TTC3: variants seen among roughly 807,000 people sequenced by gnomAD.
The protein encoded by TTC3 is tetratricopeptide repeat domain 3.
A neutral mutation model predicts 249.6 loss-of-function variants in TTC3; 180 were observed. The observed-to-expected ratio is 0.72, with a 90% CI of 0.64 to 0.82. The LOEUF (loss-of-function observed/expected upper bound fraction) is 0.82, where lower values mean the gene tolerates loss of function less well. Among genes scored for constraint, TTC3 ranks in the 40% least tolerant of loss-of-function variants. The probability of loss-of-function intolerance (pLI) is 0.00; values close to 1 mark genes in which losing one functional copy is unlikely to be tolerated. For synonymous variants in TTC3, 717 were observed against 805.0 expected, an observed-to-expected ratio of 0.89 and a Z score of 1.85; for missense variants, 2,061 against 2,398.4, an observed-to-expected ratio of 0.86 and a Z score of 2.94.
intron 1 of TTC3, among the ~76,000 whole-genome samples, chr21:37,084,837 ACAAAAATTAG>A (rs2072209646): frequency 6.6e-6 from 1 of 152,196 alleles, no homozygotes; most frequent in African/African-American, 2.4e-5. Context: ...TACTAAAAAT[ACAAAAATTAG>A]CTGGGCGTGG....
chr21:37,113,294 C>T (rs185917907), intron 11 of TTC3, among the ~76,000 whole-genome samples: 31 of 152,308 alleles, frequency 2.0e-4, no homozygotes, highest in East Asian at 1.2e-3. Context: ...AAAACCCCAT[C>T]GTCTCAGCCC....
rs2083583134 is a variant in TTC3, at chr21:37,188,596, G to A, written c.5024+1G>A. 1 of 1,613,362 alleles carries A rather than the reference G, an allele frequency of 6.2e-7. No individual in the cohort carries two copies. The highest frequency in any genetic ancestry group is 1.3e-5 in the African/African-American group (1 of 74,880). On this transcript the variant is annotated splice_donor_variant, in intron 39 of 45. Coordinates refer to ENST00000355666, the Ensembl canonical transcript of TTC3. LOFTEE classifies it high-confidence loss of function. ...TGAAGAAGCTGGGGCTGATTAGCCG[G>A]TATTGCAGTTTCGTGGGTGTTCTCA...
chr21:37,092,095 A>G (rs1427397856), intron 7 of TTC3, among the ~76,000 whole-genome samples: 5 of 152,184 alleles, frequency 3.3e-5, no homozygotes, highest in East Asian at 3.8e-4. Flanking sequence ...TTGTTCTTTT[A>G]TGTATGAGGT....
At chr21:37,111,970 G>A (rs1249278436) in intron 11 of TTC3, among the ~76,000 whole-genome samples, 3 of 151,368 alleles carry the variant, frequency 2.0e-5, no homozygotes, top group African/African-American at 7.3e-5. Flanking sequence ...ACGAAATGAA[G>A]GCAGAAATAA....
intron 37 of TTC3, 33 bp downstream of exon 37, chr21:37,185,807 T>C (rs1199307367): frequency 5.4e-6 from 7 of 1,295,130 alleles, no homozygotes; most frequent in Non-Finnish European, 7.3e-6. Context: ...TTTAATATAT[T>C]TTAATACTTT....
chr21:37,144,666 A>G, intron 21 of TTC3, 21 bp downstream of exon 21: 1 of 1,601,618 alleles, frequency 6.2e-7, no homozygotes, highest in Non-Finnish European at 8.5e-7. Context: ...ATTTTTGCAG[A>G]GTGTTTCTTA....
At chr21:37,125,989 T>A in intron 14 of TTC3, 91 bp from the exon 15 acceptor site, 2 of 1,238,560 alleles carry the variant, frequency 1.6e-6, no homozygotes, top group Admixed American at 4.5e-5. Flanking sequence ...AATTCTATCC[T>A]ATTCTATTCT....
chr21:37,108,341 A>T (rs2075286055), intron 10 of TTC3, 51 bp from the exon 11 acceptor site: 1 of 1,487,338 alleles, frequency 6.7e-7, no homozygotes, highest in Non-Finnish European at 9.2e-7. Context: ...AAGATATAAT[A>T]CTTTTACTAT....
At position 37,150,316 on chromosome 21, in the gene TTC3, C is replaced by G. The variant is rs1007917785; in HGVS notation, c.2211+146C>G. On this transcript the variant is annotated intron_variant, in intron 24 of 45. Coordinates refer to ENST00000355666, the Ensembl canonical transcript of TTC3. ...TTCATTTAAGAAAATATAGGAAATA[C>G]TGGGATGTGAGAATGCTTCATTGTA... 414 of 660,334 alleles carry G rather than the reference C, an allele frequency of 6.3e-4. 1 individual carries two copies. The highest frequency in any genetic ancestry group is 4.4e-4 in the Admixed American group (15 of 33,912). The allele number at this position is 660,334 out of a possible 1,614,324, so 40.9% of individuals were successfully genotyped here. A position where few individuals can be genotyped will look rare whatever the true frequency, so the allele number is the denominator to read the frequency against.
At chr21:37,086,227 A>G (rs1485902210) in intron 1 of TTC3, 2 of 152,334 alleles carry the variant, frequency 1.3e-5, no homozygotes, top group Admixed American at 6.5e-5. Context: ...TTGCTTTGGA[A>G]AGAAGAAACT....
chr21:37,104,181 T>TTC (rs2074818073), intron 10 of TTC3, among the ~76,000 whole-genome samples: 1 of 152,194 alleles, frequency 6.6e-6, no homozygotes, highest in African/African-American at 2.4e-5. Flanking sequence ...GTTCTGACGT[T>TTC]TCTGCCTTAA....
exon 33 of TTC3, chr21:37,165,675 C>G (rs1252258974): frequency 6.2e-7 from 1 of 1,613,960 alleles, no homozygotes. Context: ...GGTTTAAAAC[C>G]TTTTCTCTTG....
At chr21:37,191,809 G>A (rs758513079) in intron 40 of TTC3, among the ~76,000 whole-genome samples, 1 of 152,200 alleles carries the variant, frequency 6.6e-6, no homozygotes, top group East Asian at 1.9e-4. Context: ...GGCTGGTGTC[G>A]ATCTCCTGAC....
At chr21:37,082,286 A>G (rs2071800972) in intron 1 of TTC3, 1 of 155,222 alleles carries the variant, frequency 6.4e-6, no homozygotes, top group South Asian at 2.0e-4. Flanking sequence ...TATATCAGAC[A>G]TTCCCAATGT....
exon 10 of TTC3, chr21:37,096,592 A>G (rs2073967876): frequency 3.1e-6 from 5 of 1,611,770 alleles, no homozygotes; most frequent in African/African-American, 2.7e-5. Flanking sequence ...CCTGAAAACT[A>G]CCTTCTTTAT....
At position 37,192,023 on chromosome 21, in the gene TTC3, G is replaced by A. The variant is rs761623068; in HGVS notation, c.5116-89G>A. ...GTCTTATTTTGAATTTCCTTACCAAGACAGTTATGTTTCATTTATAATGTG... is the reference window on the plus strand; with the variant it reads ...GTCTTATTTTGAATTTCCTTACCAAAACAGTTATGTTTCATTTATAATGTG... On this transcript the variant is annotated intron_variant, in intron 40 of 45. Coordinates refer to ENST00000355666, the Ensembl canonical transcript of TTC3. 2.7e-5 allele frequency: 22 copies of A among 804,634 alleles called. No homozygotes were observed. In the Admixed American group the frequency reaches 4.3e-4, roughly 16 times the overall value. 49.8% of individuals were successfully genotyped at this position (804,634 alleles called of 1,614,324 possible).
At chr21:37,086,970 C>A in intron 1 of TTC3, 1 of 321,540 alleles carries the variant, frequency 3.1e-6, no homozygotes, top group Non-Finnish European at 5.7e-6. Context: ...CTTGATGATC[C>A]TCTATTTAAA....
intron 35 of TTC3, among the ~76,000 whole-genome samples, chr21:37,181,385 A>G (rs934765835): frequency 6.6e-6 from 1 of 152,238 alleles, no homozygotes; most frequent in African/African-American, 2.4e-5. Flanking sequence ...GATAGGTGAG[A>G]AACAAGATTG....
At chr21:37,131,562 C>G (rs911280045) in intron 16 of TTC3, among the ~76,000 whole-genome samples, 13 of 152,036 alleles carry the variant, frequency 8.6e-5, no homozygotes, top group Admixed American at 8.5e-4. Context: ...GTAAGCACTT[C>G]CTTGAGTTCC....
Sources: gnomAD v4.1 joint callset for allele counts (sites outside exome capture counted in the v4.1 genomes callset) on GRCh38, gnomAD v4.1.1 for gene constraint, MANE v1.5 for transcripts, NCBI Gene and HGNC (gene_info 2026-07-23, HGNC 2026-07-21) for gene names.